SPATA16: variants seen among roughly 807,000 people sequenced by gnomAD.
The protein encoded by SPATA16 is spermatogenesis associated 16.
SPATA16 carries 36 observed loss-of-function variants against 63.3 expected under a neutral mutation model. The observed-to-expected ratio is 0.57, with a 90% CI of 0.44 to 0.75. The LOEUF (loss-of-function observed/expected upper bound fraction) is 0.75, where lower values mean the gene tolerates loss of function less well. Ranked by LOEUF, SPATA16 falls within the 30% of genes least tolerant of loss-of-function variation. The pLI is 0.00. For missense variants in SPATA16, 646 were observed against 679.3 expected, an observed-to-expected ratio of 0.95 and a Z score of 0.54; for synonymous variants, 203 against 216.7, an observed-to-expected ratio of 0.94 and a Z score of 0.56.
chr3:172,922,884 T>C (rs972861024), intron 8 of SPATA16, among the ~76,000 whole-genome samples: 3 of 152,030 alleles, frequency 2.0e-5, no homozygotes, highest in African/African-American at 7.2e-5. Flanking sequence ...ACCGCACCAC[T>C]GCACTCCAAC....
At chr3:172,971,068 A>T (rs533359604) in intron 5 of SPATA16, among the ~76,000 whole-genome samples, 1 of 152,296 alleles carries the variant, frequency 6.6e-6, no homozygotes, top group East Asian at 1.9e-4. Flanking sequence ...AGAGAAATCT[A>T]TTCACTTGCT....
chr3:172,899,673 A>G (rs1480089120), intron 10 of SPATA16, among the ~76,000 whole-genome samples: 1 of 151,556 alleles, frequency 6.6e-6, no homozygotes, highest in Non-Finnish European at 1.5e-5. Flanking sequence ...TTTATTTTTT[A>G]TTTTCTTTGG....
intron 4 of SPATA16, among the ~76,000 whole-genome samples, chr3:172,979,102 C>T (rs1430434460): frequency 3.9e-5 from 6 of 152,028 alleles, no homozygotes; most frequent in African/African-American, 7.3e-5. Context: ...CCACGTGTGG[C>T]GGCGGGCGCC....
intron 2 of SPATA16, among the ~76,000 whole-genome samples, chr3:173,073,002 G>A (rs544869226): frequency 6.6e-6 from 1 of 152,346 alleles, no homozygotes; most frequent in South Asian, 2.1e-4. Context: ...GTGAACTGGA[G>A]TAAAGGTGAC....
Position 173,075,013 on chromosome 3 carries a change from G to A in SPATA16, c.613-25919C>T, listed in dbSNP as rs867244673. ...ATCTCAAAAAAAAAAAAAAAAAAAAGGAAAGAAAAGAAAAAAAGAAAAACT... is the reference window on the plus strand; with the variant it reads ...ATCTCAAAAAAAAAAAAAAAAAAAAAGAAAGAAAAGAAAAAAAGAAAAACT... On this transcript the variant is annotated intron_variant, in intron 2 of 10. Coordinates refer to ENST00000351008, the MANE Select transcript of SPATA16 (RefSeq NM_031955.6). Among the ~76,000 whole-genome samples the A allele has an allele frequency of 1.0e-3, 124 of 118,650 alleles. 2 individuals carry two copies. The highest frequency in any genetic ancestry group is 3.6e-3 in the African/African-American group (102 of 28,700). The allele number at this position is 118,650 out of a possible 152,430, so 77.8% of individuals were successfully genotyped here.
At chr3:173,093,013 G>T (rs1737260479) in intron 2 of SPATA16, among the ~76,000 whole-genome samples, 1 of 148,398 alleles carries the variant, frequency 6.7e-6, no homozygotes, top group Admixed American at 6.8e-5. Flanking sequence ...TTAAAATACA[G>T]TTTTATTGTA....
intron 4 of SPATA16, among the ~76,000 whole-genome samples, chr3:173,019,196 C>T (rs1482680226): frequency 1.3e-5 from 2 of 152,026 alleles, no homozygotes; most frequent in Admixed American, 6.6e-5. Context: ...AGAACATCCC[C>T]GAGAGCAAGA....
At chr3:173,115,996 G>C (rs2108335559) in intron 2 of SPATA16, among the ~76,000 whole-genome samples, 1 of 151,888 alleles carries the variant, frequency 6.6e-6, no homozygotes, top group East Asian at 1.9e-4. Context: ...GGGCTCAAGA[G>C]ATCCTTTCAC....
At chr3:172,951,463 T>C (rs1733429388) in intron 6 of SPATA16, among the ~76,000 whole-genome samples, 1 of 152,064 alleles carries the variant, frequency 6.6e-6, no homozygotes, top group Non-Finnish European at 1.5e-5. Flanking sequence ...ACTGTAAAGT[T>C]CATAGATAAT....
chr3:173,014,736 C>G (rs1357146529), intron 4 of SPATA16, among the ~76,000 whole-genome samples: 1 of 152,184 alleles, frequency 6.6e-6, no homozygotes, highest in Non-Finnish European at 1.5e-5. Flanking sequence ...GATGGCCACT[C>G]TCTTTGGAAG....
chr3:172,900,173 T>C (rs7626296), intron 10 of SPATA16, among the ~76,000 whole-genome samples: 91,646 of 151,960 alleles, frequency 0.6, 28,522 homozygotes, highest in South Asian at 0.8. Flanking sequence ...TAATTTCTTC[T>C]TTATTCCTGA....
At chr3:173,014,216 A>T (rs1735132135) in intron 4 of SPATA16, among the ~76,000 whole-genome samples, 1 of 152,242 alleles carries the variant, frequency 6.6e-6, no homozygotes, top group Admixed American at 6.5e-5. Flanking sequence ...GATAAAGAAA[A>T]TGTGGTACAT....
intron 2 of SPATA16, among the ~76,000 whole-genome samples, chr3:173,058,977 G>A (rs1736313888): frequency 6.6e-6 from 1 of 150,840 alleles, no homozygotes; most frequent in Non-Finnish European, 1.5e-5. Flanking sequence ...TCCACATTTT[G>A]CATTAATTTT....
At chr3:173,061,477 T>A (rs1349548859) in intron 2 of SPATA16, among the ~76,000 whole-genome samples, 2 of 152,368 alleles carry the variant, frequency 1.3e-5, no homozygotes, top group East Asian at 3.9e-4. Flanking sequence ...ATCTCTTCCC[T>A]TGGGTTAATG....
intron 10 of SPATA16, among the ~76,000 whole-genome samples, chr3:172,905,909 A>G (rs1442320420): frequency 6.6e-6 from 1 of 152,222 alleles, no homozygotes; most frequent in East Asian, 1.9e-4. Context: ...ATTACTTTTA[A>G]TGTAACAAAG....
Position 172,913,757 on chromosome 3 carries a change from G to T in SPATA16, c.1504-13C>A, listed in dbSNP as rs755253342. On this transcript the variant is annotated splice_polypyrimidine_tract_variant and intron_variant, in intron 9 of 10. Coordinates refer to ENST00000351008, the MANE Select transcript of SPATA16 (RefSeq NM_031955.6). ...TTAGTGACTGCAGCTGTGGCACCAA[G>T]ATAAAAATTATCAGTGTGGAATTCA... The T allele has an allele frequency of 4.3e-6, 7 of 1,611,020 alleles. No individual in the cohort carries two copies. Among genetic ancestry groups the T allele is most frequent in the Middle Eastern group, 3.3e-4 (2 of 6,034 alleles).
chr3:172,991,316 A>G (rs1392444800), intron 4 of SPATA16, among the ~76,000 whole-genome samples: 2 of 152,144 alleles, frequency 1.3e-5, no homozygotes, highest in Non-Finnish European at 2.9e-5. Flanking sequence ...CTCTACTAGG[A>G]TTGTAAGCTC....
At chr3:173,051,024 T>G (rs1736077148) in intron 2 of SPATA16, among the ~76,000 whole-genome samples, 3 of 152,230 alleles carry the variant, frequency 2.0e-5, no homozygotes, top group Admixed American at 2.0e-4. Context: ...ATCTCCTTTC[T>G]TCTGCCAATC....
chr3:173,009,726 GTCATAGGCAGT>G (rs1327625888), intron 4 of SPATA16, among the ~76,000 whole-genome samples: 2 of 152,224 alleles, frequency 1.3e-5, no homozygotes, highest in Non-Finnish European at 2.9e-5. Context: ...TGTGTTACTG[GTCATAGGCAGT>G]TGTCCAGGTT....
Sources: gnomAD v4.1 joint callset for allele counts (sites outside exome capture counted in the v4.1 genomes callset) on GRCh38, gnomAD v4.1.1 for gene constraint, MANE v1.5 for transcripts, NCBI Gene and HGNC (gene_info 2026-07-23, HGNC 2026-07-21) for gene names.